The following CCSER2 variants were observed in gnomAD, a reference collection of about 807,000 sequenced individuals.
CCSER2 encodes serine-rich coiled-coil domain-containing protein 2.
In CCSER2, 46 loss-of-function variants were observed where a neutral mutation model predicts 92.3. The observed-to-expected ratio is 0.50, with a 90% CI of 0.39 to 0.64. CCSER2 has a LOEUF of 0.64. CCSER2 is among the 30% of genes least tolerant of loss of function. The pLI, the probability that CCSER2 is intolerant of heterozygous loss-of-function variation, is 0.00. For missense variants in CCSER2, 1,244 were observed against 1,238.9 expected (o/e 1.00, Z -0.06); for synonymous variants, 433 against 431.4 (o/e 1.00, Z -0.04).
At chr10:84,484,415 C>G (rs896593813) in intron 9 of CCSER2, among the ~76,000 whole-genome samples, 4 of 151,932 alleles carry the variant, frequency 2.6e-5, no homozygotes, top group African/African-American at 9.7e-5. Flanking sequence ...CCATGCCCAG[C>G]CAAATGTCCT....
intron 9 of CCSER2, among the ~76,000 whole-genome samples, chr10:84,481,138 T>A (rs1156939645): frequency 1.3e-5 from 2 of 152,084 alleles, no homozygotes; most frequent in Non-Finnish European, 2.9e-5. Flanking sequence ...AAAAAGCCCC[T>A]GATATTTCCC....
chr10:84,414,791 A>G (rs780624263), intron 3 of CCSER2, among the ~76,000 whole-genome samples: 1 of 152,136 alleles, frequency 6.6e-6, no homozygotes, highest in South Asian at 2.1e-4. Context: ...CCAATCAGTT[A>G]TAGGTTTGGT....
chr10:84,477,425 C>A, intron 8 of CCSER2, 150 bp from the exon 9 acceptor site: 1 of 512,858 alleles, frequency 1.9e-6, no homozygotes, highest in South Asian at 3.2e-5. Context: ...GCCCTGATTA[C>A]CTCCTGTCAT....
At position 84,416,863 on chromosome 10, in the gene CCSER2, G is replaced by A. The variant is rs971292930; in HGVS notation, c.1615-908G>A. ...GGAGAATGGCGTGAACCCAGGAGGC[G>A]GAGCTTGCAGTGAGCCGAGATCGCG... is the stretch of plus-strand genomic sequence containing the variant. On this transcript the variant is annotated intron_variant, in intron 3 of 9. Transcript: ENST00000372088. Among the ~76,000 whole-genome samples, 9 of 152,246 alleles carry A rather than the reference G, an allele frequency of 5.9e-5. No homozygotes were observed. In the East Asian group the frequency reaches 7.8e-4, roughly 13 times the overall value.
intron 9 of CCSER2, 93 bp downstream of exon 9, chr10:84,477,757 A>G (rs1242128143): frequency 5.8e-6 from 4 of 686,140 alleles, no homozygotes; most frequent in Non-Finnish European, 9.9e-6. Context: ...ATGATTTTGA[A>G]TCTGTCATGG....
chr10:84,390,643 G>A (rs948417738), intron 3 of CCSER2, among the ~76,000 whole-genome samples: 1 of 152,186 alleles, frequency 6.6e-6, no homozygotes, highest in Non-Finnish European at 1.5e-5. Context: ...TATGCAGTCA[G>A]TCATTGACCA....
chr10:84,487,740 C>G (rs1313677018), intron 9 of CCSER2, among the ~76,000 whole-genome samples: 2 of 152,140 alleles, frequency 1.3e-5, no homozygotes, highest in Non-Finnish European at 2.9e-5. Flanking sequence ...ATTTCTTTCT[C>G]CTGCCTGATT....
chr10:84,450,181 A>G (rs1845188009), intron 6 of CCSER2, among the ~76,000 whole-genome samples: 2 of 152,182 alleles, frequency 1.3e-5, no homozygotes, highest in Admixed American at 1.3e-4. Context: ...TAATGGAGAT[A>G]AAAATAAAGA....
intron 5 of CCSER2, among the ~76,000 whole-genome samples, chr10:84,433,249 T>C (rs867661166): frequency 6.6e-6 from 1 of 152,230 alleles, no homozygotes; most frequent in African/African-American, 2.4e-5. Flanking sequence ...ATCCTCAAAA[T>C]AACTTGCTGA....
intron 1 of CCSER2, among the ~76,000 whole-genome samples, chr10:84,354,194 C>T (rs1845027545): frequency 6.6e-6 from 1 of 151,460 alleles, no homozygotes; most frequent in Admixed American, 6.6e-5. Context: ...CAGAGGGAGA[C>T]TCTATCTCAA....
At chr10:84,506,570 G>T (rs1849057895) in intron 9 of CCSER2, among the ~76,000 whole-genome samples, 1 of 152,060 alleles carries the variant, frequency 6.6e-6, no homozygotes, top group Non-Finnish European at 1.5e-5. Context: ...AAGGTGGGTG[G>T]ATCACAAAGT....
intron 5 of CCSER2, among the ~76,000 whole-genome samples, chr10:84,436,378 G>T (rs1844146599): frequency 7.4e-6 from 1 of 134,760 alleles, no homozygotes; most frequent in Non-Finnish European, 1.5e-5. Context: ...TCTCAAGCCT[G>T]TCATCCCAGC....
At chr10:84,423,098 G>C (rs2133418779) in intron 4 of CCSER2, among the ~76,000 whole-genome samples, 2 of 151,164 alleles carry the variant, frequency 1.3e-5, no homozygotes, top group African/African-American at 4.8e-5. Flanking sequence ...ATTTGTCTCT[G>C]TCTTGTAATT....
chr10:84,456,482 A>T (rs980733189), intron 6 of CCSER2, among the ~76,000 whole-genome samples: 3 of 152,178 alleles, frequency 2.0e-5, no homozygotes, highest in Non-Finnish European at 4.4e-5. Context: ...TTCATTTACC[A>T]GCTGAAGGGT....
chr10:84,398,403 T>C (rs1285659988), intron 3 of CCSER2, among the ~76,000 whole-genome samples: 1 of 152,240 alleles, frequency 6.6e-6, no homozygotes, highest in Non-Finnish European at 1.5e-5. Context: ...TTACAGGGAT[T>C]ATTCTGCTTA....
At chr10:84,381,437 C>A (rs1041400816) in intron 3 of CCSER2, among the ~76,000 whole-genome samples, 1 of 152,052 alleles carries the variant, frequency 6.6e-6, no homozygotes. Context: ...GTAAACAGTT[C>A]CTTAGAGTGC....
At chr10:84,411,664 C>G (rs1842656128) in intron 3 of CCSER2, among the ~76,000 whole-genome samples, 1 of 152,170 alleles carries the variant, frequency 6.6e-6, no homozygotes, top group Non-Finnish European at 1.5e-5. Flanking sequence ...ATTTTGTATC[C>G]TGAGACTTTG....
At chr10:84,445,127 A>T (rs1473583684) in intron 6 of CCSER2, among the ~76,000 whole-genome samples, 2 of 144,704 alleles carry the variant, frequency 1.4e-5, no homozygotes, top group Non-Finnish European at 3.1e-5. Context: ...ACATGATGAA[A>T]AAGATAGTTT....
At chr10:84,488,378 T>C (rs4934020) in intron 9 of CCSER2, among the ~76,000 whole-genome samples, 86,012 of 151,996 alleles carry the variant, frequency 0.57, 27,036 homozygotes, top group East Asian at 0.74. Flanking sequence ...CCTGGACTTT[T>C]TTTGTTTGGT....
Sources: gnomAD v4.1 joint callset for allele counts (sites outside exome capture counted in the v4.1 genomes callset) on GRCh38, gnomAD v4.1.1 for gene constraint, MANE v1.5 for transcripts, NCBI Gene and HGNC (gene_info 2026-07-23, HGNC 2026-07-21) for gene names.